DYNC2I1: variants seen among roughly 807,000 people sequenced by gnomAD.
DYNC2I1 encodes the protein dynein 2 intermediate chain 1.
In DYNC2I1, 89 loss-of-function variants were observed where a neutral mutation model predicts 133.4. The observed-to-expected ratio is 0.67, with a 90% CI of 0.56 to 0.80. The LOEUF is 0.80. Among genes scored for constraint, DYNC2I1 ranks in the 30% least tolerant of loss-of-function variants. The pLI is 0.00. For missense variants in DYNC2I1, 1,291 were observed against 1,314.5 expected (o/e 0.98, Z 0.28); for synonymous variants, 504 against 484.3 (o/e 1.04, Z -0.54).
chr7:158,948,604 T>C (rs1851958871), downstream of DYNC2I1, among the ~76,000 whole-genome samples: 1 of 152,016 alleles, frequency 6.6e-6, no homozygotes, highest in South Asian at 2.1e-4. Flanking sequence ...GGGGGATGGC[T>C]GAGTGGCAGT....
In DYNC2I1 at chr7:158,871,135, G is replaced by C. The variant is rs752290020; in HGVS notation, c.70-7G>C. 2.5e-6 allele frequency: 4 copies of C among 1,608,374 alleles called. No individual in the cohort carries two copies. In the Admixed American group the frequency reaches 5.1e-5, roughly 20 times the overall value. On this transcript the variant is annotated splice_region_variant and splice_polypyrimidine_tract_variant and intron_variant, in intron 2 of 24. Transcript: ENST00000407559. ...GTCACGGAGGACCCTTTGTTCTCTT[G>C]TTTCAGGCCATACAGTCAGGTGGTT...
At chr7:158,919,842 A>C (rs1848838336) in intron 15 of DYNC2I1, among the ~76,000 whole-genome samples, 1 of 152,036 alleles carries the variant, frequency 6.6e-6, no homozygotes, top group Non-Finnish European at 1.5e-5. Context: ...CCACACTCCC[A>C]CACCCAGCAG....
At chr7:158,856,549 A>G, upstream of DYNC2I1, 1 of 504,034 alleles carries the variant, frequency 2.0e-6, no homozygotes, top group Non-Finnish European at 3.1e-6. Flanking sequence ...GGGGATGCGC[A>G]GGCGCACTGG....
chr7:158,937,454 A>G (rs1850872230), intron 23 of DYNC2I1, among the ~76,000 whole-genome samples: 1 of 152,044 alleles, frequency 6.6e-6, no homozygotes. Flanking sequence ...GTGAAACCCC[A>G]TCTGTACTAA....
intron 23 of DYNC2I1, among the ~76,000 whole-genome samples, chr7:158,935,689 T>A (rs1338072750): frequency 6.6e-6 from 1 of 152,212 alleles, no homozygotes; most frequent in African/African-American, 2.4e-5. Context: ...GAGCCTGGAA[T>A]GTGGTCAGGC....
At chr7:158,942,785 G>C (rs1036869688) in intron 24 of DYNC2I1, among the ~76,000 whole-genome samples, 1 of 152,212 alleles carries the variant, frequency 6.6e-6, no homozygotes, top group Non-Finnish European at 1.5e-5. Flanking sequence ...CAGGCCCCTC[G>C]AGGGGCTCCC....
intron 19 of DYNC2I1, 25 bp from the exon 20 acceptor site, chr7:158,926,967 T>A (rs779795116): frequency 6.4e-7 from 1 of 1,554,252 alleles, no homozygotes; most frequent in South Asian, 1.2e-5. Context: ...TGTATCAATA[T>A]TCATTTTCAA....
At chr7:158,871,035 A>T in intron 2 of DYNC2I1, 107 bp from the exon 3 acceptor site, 1 of 1,288,208 alleles carries the variant, frequency 7.8e-7, no homozygotes, top group African/African-American at 1.5e-5. Flanking sequence ...GAATGCAAAT[A>T]TGTTTTAAGG....
intron 4 of DYNC2I1, among the ~76,000 whole-genome samples, chr7:158,951,583 C>T (rs1408540417): frequency 6.6e-6 from 1 of 152,214 alleles, no homozygotes; most frequent in Non-Finnish European, 1.5e-5. Flanking sequence ...TCTGTCCTGG[C>T]ACCTGTGTGG....
rs575011637 is a variant in DYNC2I1 at position 158,914,222 on chromosome 7, GT to G, written c.1703-3del. On this transcript the variant is annotated splice_polypyrimidine_tract_variant and intron_variant, in intron 13 of 24. Coordinates refer to ENST00000407559, the MANE Select transcript of DYNC2I1 (RefSeq NM_018051.5). ...CGACTTCGTTGATTTTATATAAACT[GT>G]TTTTTTTAGGCAGTGAACAAAGAGA... 5.6e-6 allele frequency: 9 copies of G among 1,598,744 alleles called. No homozygotes were observed. Among genetic ancestry groups the G allele is most frequent in the Admixed American group, 5.2e-5 (3 of 58,182 alleles).
chr7:158,874,221 T>G (rs1472732503), intron 3 of DYNC2I1, among the ~76,000 whole-genome samples: 1 of 151,470 alleles, frequency 6.6e-6, no homozygotes, highest in East Asian at 1.9e-4. Context: ...TTTTTTTTTT[T>G]TTTTGAGATG....
rs1554455793 is a variant in DYNC2I1 at position 158,894,124 on chromosome 7, C to CGCACATCCTACT, written c.1059+2794_1059+2795insCATCCTACTGCA. Among the ~76,000 whole-genome samples, 447 of 125,672 alleles carry CGCACATCCTACT rather than the reference C, an allele frequency of 3.6e-3. 7 individuals carry two copies. Among genetic ancestry groups the CGCACATCCTACT allele is most frequent in the African/African-American group, 0.012 (396 of 32,054 alleles). The allele number at this position is 125,672 out of a possible 152,430, so 82.4% of individuals were successfully genotyped here. A position where few individuals can be genotyped will look rare whatever the true frequency, so the allele number is the denominator to read the frequency against. On this transcript the variant is annotated intron_variant, in intron 8 of 24. Transcript: ENST00000407559. The stretch of plus-strand genomic sequence containing the variant: ...GTGCATATCCTACTGCATATCCTAC[C>CGCACATCCTACT]GCATATCATACCGCATATCCTACCA...
At chr7:158,954,067 T>C (rs1254583743) in intron 4 of DYNC2I1, among the ~76,000 whole-genome samples, 1 of 152,126 alleles carries the variant, frequency 6.6e-6, no homozygotes, top group African/African-American at 2.4e-5. Flanking sequence ...GTTCTCGAGA[T>C]AGTGAGTAAG....
At chr7:158,853,834 G>C (rs566684053), upstream of DYNC2I1, among the ~76,000 whole-genome samples, 34 of 151,972 alleles carry the variant, frequency 2.2e-4, no homozygotes, top group Admixed American at 1.1e-3. Context: ...TGTATTTTTA[G>C]TAGAGACGGG....
At chr7:158,879,442 A>G (rs552046877) in intron 4 of DYNC2I1, among the ~76,000 whole-genome samples, 1 of 152,286 alleles carries the variant, frequency 6.6e-6, no homozygotes, top group African/African-American at 2.4e-5. Flanking sequence ...GGGATGCTTT[A>G]AATCGTCTCT....
intron 3 of DYNC2I1, among the ~76,000 whole-genome samples, chr7:158,872,368 C>T (rs973526822): frequency 2.6e-5 from 4 of 152,192 alleles, no homozygotes; most frequent in African/African-American, 9.7e-5. Flanking sequence ...CGCGGTGGCT[C>T]ACGCCTGTAA....
At chr7:158,894,574 G>A (rs979921564) in intron 8 of DYNC2I1, among the ~76,000 whole-genome samples, 2 of 152,164 alleles carry the variant, frequency 1.3e-5, no homozygotes, top group African/African-American at 4.8e-5. Flanking sequence ...GGGATGTACT[G>A]TAGTCTATCC....
chr7:158,866,433 C>T (rs778569925), intron 1 of DYNC2I1, among the ~76,000 whole-genome samples: 7 of 148,894 alleles, frequency 4.7e-5, no homozygotes, highest in African/African-American at 9.9e-5. Context: ...GTGTCCTGGG[C>T]GTCCCCTCTC....
In DYNC2I1 at chr7:158,927,019, A is replaced by G. The variant is rs1214189030; in HGVS notation, c.2461A>G (p.Ile821Val). 1.9e-6 allele frequency: 3 copies of G among 1,604,744 alleles called. No individual in the cohort carries two copies. In the Admixed American group the frequency reaches 5.1e-5, roughly 27 times the overall value. ...GGTTGTTGAATTACCAAAGGCAGAC[A>G]TCGCAGGTTCAATAAGTGATTTAGG... is the stretch of plus-strand genomic sequence containing the variant. ...WVVVELPKADIAGSISDLGLM... is the reference protein window; with the variant it reads ...WVVVELPKADVAGSISDLGLM... Residue 821 changes from isoleucine (I) to valine (V), a missense_variant, in exon 20 of 25, where the codon ATC becomes GTC. Coordinates refer to ENST00000407559, the MANE Select transcript of DYNC2I1 (RefSeq NM_018051.5).
Sources: gnomAD v4.1 joint callset for allele counts (sites outside exome capture counted in the v4.1 genomes callset) on GRCh38, gnomAD v4.1.1 for gene constraint, MANE v1.5 for transcripts, NCBI Gene and HGNC (gene_info 2026-07-23, HGNC 2026-07-21) for gene names.